Variants in POC1A observed in about 807,000 individuals in gnomAD.
The protein encoded by POC1A is POC1 centriolar protein homolog A.
Under a neutral mutation model 47.8 loss-of-function variants are expected in POC1A, and 34 were observed. The ratio of observed to expected loss-of-function variants is 0.71; its 90% confidence interval spans 0.54 to 0.95. The LOEUF (loss-of-function observed/expected upper bound fraction) is 0.95. Among genes scored for constraint, POC1A ranks in the 40% least tolerant of loss-of-function variants. POC1A has a pLI of 0.00. For synonymous variants in POC1A, 177 were observed against 207.6 expected, an observed-to-expected ratio of 0.85 and a Z score of 1.27; for missense variants, 466 against 528.3, an observed-to-expected ratio of 0.88 and a Z score of 1.16.
chr3:52,130,760 G>A (rs1158701472), intron 7 of POC1A, among the ~76,000 whole-genome samples: 1 of 152,150 alleles, frequency 6.6e-6, no homozygotes, highest in Non-Finnish European at 1.5e-5. Context: ...TCCACCTGGG[G>A]TGGACAGAGG....
In POC1A at chr3:52,142,512, C is replaced by A. The variant is rs532660732; in HGVS notation, c.679+3334G>T. ...ACAACCCTAGCAGGAACAGGAAGTG[C>A]CCTCATAGAGCACAACTATGGACGG... is the stretch of plus-strand genomic sequence containing the variant. On this transcript the variant is annotated intron_variant, in intron 6 of 10. Transcript: ENST00000296484. 2.6e-5 allele frequency among the ~76,000 whole-genome samples: 4 copies of A among 152,302 alleles called. No homozygotes were observed. The South Asian group carries it at 6.2e-4, about 24-fold the overall frequency.
At chr3:52,147,414 CTG>C (rs1698403720) in intron 4 of POC1A, among the ~76,000 whole-genome samples, 1 of 151,876 alleles carries the variant, frequency 6.6e-6, no homozygotes, top group Non-Finnish European at 1.5e-5. Flanking sequence ...TTTCAGGAAA[CTG>C]TGACTAAATT....
At chr3:52,081,026 G>A (rs1338288418) in intron 10 of POC1A, among the ~76,000 whole-genome samples, 4 of 152,302 alleles carry the variant, frequency 2.6e-5, no homozygotes, top group South Asian at 4.1e-4. Flanking sequence ...ATCTGCCGAG[G>A]TTCACCTGGG....
In POC1A at chr3:52,096,629, C is replaced by A. The variant is rs1188371210; in HGVS notation, c.1065G>T (p.Val355=). The change falls in exon 10 of 11, where the codon GTG becomes GTT. Residue 355 remains valine (V), a synonymous_variant. Transcript: ENST00000296484. ...CCAGCGTGCTAGTCAGTGTCTGGGG[C>A]ACACTCACGGGCTCCTGGGGCTGGC... ...VQSQPQEPVS[V]PQTLTSTLEH... 1.2e-6 allele frequency: 2 copies of A among 1,612,942 alleles called. No individual in the cohort carries two copies. Among genetic ancestry groups the A allele is most frequent in the Non-Finnish European group, 1.7e-6 (2 of 1,179,496 alleles).
intron 10 of POC1A, among the ~76,000 whole-genome samples, chr3:52,085,557 C>G (rs1395337611): frequency 6.6e-6 from 1 of 152,218 alleles, no homozygotes; most frequent in Admixed American, 6.5e-5. Context: ...CTCTCCTACC[C>G]TAGGAGCCTC....
At chr3:52,121,985 T>G (rs1000976912) in intron 9 of POC1A, among the ~76,000 whole-genome samples, 2 of 152,182 alleles carry the variant, frequency 1.3e-5, no homozygotes, top group African/African-American at 4.8e-5. Flanking sequence ...CCTTTCCCAC[T>G]TGTCCCAGCT....
At chr3:52,095,276 G>A (rs971576338) in intron 10 of POC1A, among the ~76,000 whole-genome samples, 4 of 152,140 alleles carry the variant, frequency 2.6e-5, no homozygotes, top group Middle Eastern at 3.2e-3. Context: ...CTGGGCCCTG[G>A]AGTCCCACAG....
Position 52,095,881 on chromosome 3 carries a change from C to T in POC1A, c.1125+688G>A, listed in dbSNP as rs370156405. 3.9e-5 allele frequency among the ~76,000 whole-genome samples: 6 copies of T among 152,386 alleles called. No individual in the cohort carries two copies. In the East Asian group the frequency reaches 9.6e-4, roughly 25 times the overall value. On this transcript the variant is annotated intron_variant, in intron 10 of 10. Transcript: ENST00000296484. ...CTCTTGTCAAGGGATTTTGCTCTTA[C>T]TGAAACTGCTACACTACGAGCCTGT...
chr3:52,153,842 C>T (rs988700510), intron 1 of POC1A, among the ~76,000 whole-genome samples: 1 of 152,268 alleles, frequency 6.6e-6, no homozygotes, highest in Non-Finnish European at 1.5e-5. Context: ...CTCCAATCAG[C>T]CAGAGGGCCT....
chr3:52,094,023 G>A (rs1702726656), intron 10 of POC1A, among the ~76,000 whole-genome samples: 1 of 152,220 alleles, frequency 6.6e-6, no homozygotes, highest in African/African-American at 2.4e-5. Flanking sequence ...CTGCAGGATG[G>A]AGGCCTGAAG....
intron 9 of POC1A, among the ~76,000 whole-genome samples, chr3:52,113,293 G>A (rs1703445326): frequency 1.3e-5 from 2 of 152,256 alleles, no homozygotes; most frequent in African/African-American, 4.8e-5. Flanking sequence ...GGGCCTGGGT[G>A]GCCCCACTTC....
At chr3:52,148,070 G>A (rs1698428675) in intron 4 of POC1A, among the ~76,000 whole-genome samples, 1 of 152,208 alleles carries the variant, frequency 6.6e-6, no homozygotes, top group Non-Finnish European at 1.5e-5. Flanking sequence ...ACATGCAGCC[G>A]ACTGCCTGCC....
intron 10 of POC1A, among the ~76,000 whole-genome samples, chr3:52,091,317 T>C (rs147183392): frequency 1.1e-3 from 161 of 152,304 alleles, no homozygotes; most frequent in Non-Finnish European, 2.0e-3. Flanking sequence ...AGAATTCCCA[T>C]AGGGGGCTCA....
chr3:52,149,893 A>C lies in POC1A; in HGVS notation c.198T>G (p.Cys66Trp). The change falls in exon 3 of 11, where the codon TGT (cysteine) becomes TGG (tryptophan). Residue 66 changes from cysteine (C) to tryptophan (W), a missense_variant. Coordinates refer to ENST00000296484, the MANE Select transcript of POC1A (RefSeq NM_015426.5). Reference sequence around the variant, plus strand: ...GGTGTCCCGAAGGAGAGAAGTTCACACAGGTGACGGCATCCTTGTGGCCAG... The same window carrying C: ...GGTGTCCCGAAGGAGAGAAGTTCACCCAGGTGACGGCATCCTTGTGGCCAG... ...RFTGHKDAVT[C>W]VNFSPSGHLL... The C allele has an allele frequency of 1.2e-6, 2 of 1,614,000 alleles. No homozygotes were observed. The highest frequency in any genetic ancestry group is 2.2e-5 in the South Asian group (2 of 91,084).
intron 1 of POC1A, 41 bp from the exon 2 acceptor site, chr3:52,151,141 G>C: frequency 6.2e-7 from 1 of 1,612,164 alleles, no homozygotes; most frequent in Non-Finnish European, 8.5e-7. Flanking sequence ...GCCTGGGTGA[G>C]GAAGGGGCTT....
chr3:52,153,211 G>A (rs948617214), intron 1 of POC1A, among the ~76,000 whole-genome samples: 6 of 152,150 alleles, frequency 3.9e-5, no homozygotes, highest in African/African-American at 1.4e-4. Context: ...AGAATACTCC[G>A]GAGACTCTCT....
intron 6 of POC1A, among the ~76,000 whole-genome samples, chr3:52,141,403 G>A (rs1343684787): frequency 4.6e-5 from 7 of 152,222 alleles, no homozygotes; most frequent in Non-Finnish European, 7.3e-5. Flanking sequence ...CAAAAGGACC[G>A]CTCATTTTCC....
intron 9 of POC1A, among the ~76,000 whole-genome samples, chr3:52,118,340 A>C (rs541980801): frequency 6.6e-6 from 1 of 152,324 alleles, no homozygotes; most frequent in South Asian, 2.1e-4. Context: ...TAGAGGGAAA[A>C]TGGAACCCAT....
At chr3:52,096,780 C>T (rs1340604533) in intron 9 of POC1A, 68 bp from the exon 10 acceptor site, 4 of 1,362,834 alleles carry the variant, frequency 2.9e-6, no homozygotes, top group Non-Finnish European at 3.9e-6. Context: ...AGAGGAATAG[C>T]CCCTCCAAAG....
Sources: gnomAD v4.1 joint callset for allele counts (sites outside exome capture counted in the v4.1 genomes callset) on GRCh38, gnomAD v4.1.1 for gene constraint, MANE v1.5 for transcripts, NCBI Gene and HGNC (gene_info 2026-07-23, HGNC 2026-07-21) for gene names.